SLMAP: variants seen among roughly 807,000 people sequenced by gnomAD.
SLMAP encodes the protein sarcolemma associated protein.
Under a neutral mutation model 128.8 loss-of-function variants are expected in SLMAP, and 44 were observed. The ratio of observed to expected loss-of-function variants is 0.34; its 90% CI spans 0.27 to 0.44. The LOEUF is 0.44. Among genes scored for constraint, SLMAP ranks in the 20% least tolerant of loss-of-function variants. SLMAP has a pLI of 1.00. For missense variants in SLMAP, 787 were observed against 985.3 expected (o/e 0.80, Z 2.69); for synonymous variants, 327 against 348.8 (o/e 0.94, Z 0.70).
intron 22 of SLMAP, among the ~76,000 whole-genome samples, chr3:57,919,003 A>G (rs1559564354): frequency 6.6e-6 from 1 of 152,260 alleles, no homozygotes; most frequent in Non-Finnish European, 1.5e-5. Context: ...CAAGGCTGCA[A>G]TAGGTCACCT....
At chr3:57,911,855 G>A (rs9849219) in intron 19 of SLMAP, among the ~76,000 whole-genome samples, 34,178 of 148,734 alleles carry the variant, frequency 0.23, 4,777 homozygotes, top group Non-Finnish European at 0.32. Context: ...ACGAATCAAG[G>A]GCGTCAACTG....
In SLMAP at chr3:57,906,310, C is replaced by CTTTTTTTTTTTTT. The variant is rs999042505; in HGVS notation, c.1502-1564_1502-1552dup. Among the ~76,000 whole-genome samples, 48 of 47,024 alleles carry CTTTTTTTTTTTTT rather than the reference C, an allele frequency of 1.0e-3. 7 individuals are homozygous for CTTTTTTTTTTTTT. Among genetic ancestry groups the CTTTTTTTTTTTTT allele is most frequent in the East Asian group, 4.9e-3 (5 of 1,022 alleles). The allele number at this position is 47,024 out of a possible 152,430, so 30.8% of individuals were successfully genotyped here. ...GAATCAAATTTTTTTCTTTTTTTTT[C>CTTTTTTTTTTTTT]TTTTTTTTTTTTTTTTTTTTTTAGA... On this transcript the variant is annotated intron_variant, in intron 17 of 24. Coordinates refer to ENST00000671191, the MANE Select transcript of SLMAP (RefSeq NM_001377540.1).
In SLMAP at chr3:57,864,528, G is replaced by T; in HGVS notation, c.967-20G>T. ...ACAGAGTTAGGTTTGTTAAATAACT[G>T]AATTTTCTTATTTTTCTAGGTAGCA... On this transcript the variant is annotated intron_variant, in intron 10 of 24. Coordinates refer to ENST00000671191, the MANE Select transcript of SLMAP (RefSeq NM_001377540.1). The T allele has an allele frequency of 6.5e-7, 1 of 1,541,376 alleles. No homozygotes were observed. Among genetic ancestry groups the T allele is most frequent in the South Asian group, 1.2e-5 (1 of 80,738 alleles).
At chr3:57,821,445 A>G (rs2092508263) in intron 2 of SLMAP, among the ~76,000 whole-genome samples, 2 of 152,228 alleles carry the variant, frequency 1.3e-5, no homozygotes, top group African/African-American at 4.8e-5. Flanking sequence ...ATTTTCCTAT[A>G]GAATATGAAT....
chr3:57,912,420 GGGA>G lies in SLMAP; in HGVS notation c.1744_1746del (p.Glu582del). 1 of 1,613,386 alleles carries G rather than the reference GGGA, an allele frequency of 6.2e-7. No individual in the cohort carries two copies. ...TTACACATCGATACTGAGAATCTCC[GGGA>G]GGAGAAGGACAGTGAAATCACAAGT... On this transcript the variant is annotated inframe_deletion, in exon 20 of 25. Transcript: ENST00000671191.
chr3:57,873,937 A>G (rs7642467), intron 14 of SLMAP, among the ~76,000 whole-genome samples: 2,560 of 152,280 alleles, frequency 0.017, 63 homozygotes, highest in African/African-American at 0.059. Context: ...CCTGGCCAAC[A>G]TGGTGAAACC....
intron 14 of SLMAP, among the ~76,000 whole-genome samples, chr3:57,888,855 A>T (rs1181054929): frequency 6.6e-6 from 1 of 152,088 alleles, no homozygotes; most frequent in African/African-American, 2.4e-5. Flanking sequence ...AGCTTACATT[A>T]TACATCTTAA....
chr3:57,833,361 A>G (rs1324401338), intron 3 of SLMAP, among the ~76,000 whole-genome samples: 1 of 152,156 alleles, frequency 6.6e-6, no homozygotes, highest in Non-Finnish European at 1.5e-5. Flanking sequence ...AAAATGCTAT[A>G]GAAAGCTAAG....
In SLMAP at chr3:57,865,353, G is replaced by A; in HGVS notation, c.1237+61G>A. On this transcript the variant is annotated intron_variant, in intron 13 of 24. Transcript: ENST00000671191. ...ATGATATCATTTTAGTATTTAAGCA[G>A]GATAAGGAGTTCAGGGTTTTAAGTG... The A allele has an allele frequency of 7.0e-6, 5 of 710,148 alleles. No individual in the cohort carries two copies. In the South Asian group the frequency reaches 8.3e-5, roughly 12 times the overall value. 44.0% of individuals were successfully genotyped at this position (710,148 alleles called of 1,614,324 possible).
At chr3:57,875,981 A>G (rs2095596608) in intron 14 of SLMAP, among the ~76,000 whole-genome samples, 1 of 152,186 alleles carries the variant, frequency 6.6e-6, no homozygotes, top group Non-Finnish European at 1.5e-5. Context: ...TTTTGCCATT[A>G]TTTTCATTGA....
chr3:57,893,490 C>G (rs1391698333), intron 15 of SLMAP, among the ~76,000 whole-genome samples: 1 of 151,724 alleles, frequency 6.6e-6, no homozygotes, highest in Admixed American at 6.6e-5. Flanking sequence ...GAGTTATATT[C>G]CAATGAGATC....
intron 6 of SLMAP, among the ~76,000 whole-genome samples, chr3:57,857,237 G>A (rs1465530750): frequency 1.3e-5 from 2 of 152,128 alleles, no homozygotes; most frequent in Admixed American, 1.3e-4. Flanking sequence ...CAACAAATGA[G>A]ACTAAAATGA....
Position 57,810,456 on chromosome 3 carries a change from C to T in SLMAP, c.199-20927C>T, listed in dbSNP as rs148521619. ...GGTTTCTGGCCAGAAAAGCGACACC[C>T]CAAGGATCCTGCAACAATTTTTCTC... On this transcript the variant is annotated intron_variant, in intron 2 of 24. Transcript: ENST00000671191. Among the ~76,000 whole-genome samples the T allele has an allele frequency of 2.9e-3, 446 of 152,260 alleles. 3 individuals carry two copies. The highest frequency in any genetic ancestry group is 9.3e-3 in the African/African-American group (387 of 41,550).
chr3:57,785,516 T>G (rs1200583102), intron 2 of SLMAP, among the ~76,000 whole-genome samples: 1 of 152,208 alleles, frequency 6.6e-6, no homozygotes, highest in African/African-American at 2.4e-5. Context: ...TGATTTAAAG[T>G]TCCCTGATAT....
chr3:57,807,128 T>C (rs2090044982), intron 2 of SLMAP, among the ~76,000 whole-genome samples: 1 of 152,210 alleles, frequency 6.6e-6, no homozygotes, highest in African/African-American at 2.4e-5. Context: ...GATGTTGAGC[T>C]TTCTTTCATA....
chr3:57,869,662 T>TATATATATATA (rs1560338689), intron 13 of SLMAP, among the ~76,000 whole-genome samples: 9 of 113,372 alleles, frequency 7.9e-5, no homozygotes, highest in African/African-American at 2.5e-4. Flanking sequence ...ATATATATAA[T>TATATATATATA]ATATATAAAC....
chr3:57,849,049 C>T (rs970010369), intron 5 of SLMAP, among the ~76,000 whole-genome samples: 8 of 151,226 alleles, frequency 5.3e-5, no homozygotes, highest in Admixed American at 1.3e-4. Context: ...GCTCTGTCGT[C>T]CAGGCTGAAG....
rs1198886762 is a variant in SLMAP, at chr3:57,927,517, G to A, written c.*228G>A. 1.4e-5 allele frequency: 6 copies of A among 436,306 alleles called. No homozygotes were observed. The East Asian group carries it at 2.0e-4, about 15-fold the overall frequency. 27.0% of individuals were successfully genotyped at this position (436,306 alleles called of 1,614,324 possible). A position where few individuals can be genotyped will look rare whatever the true frequency, so the allele number is the denominator to read the frequency against. On this transcript the variant is annotated 3_prime_UTR_variant, in exon 25 of 25. Transcript: ENST00000671191. ...GCAGAAGTACAAGAATACAGCTGTA[G>A]GGTCATTGCTTTAAATTATATAAAA...
chr3:57,828,710 T>C (rs1167735602), intron 2 of SLMAP, among the ~76,000 whole-genome samples: 2 of 152,152 alleles, frequency 1.3e-5, no homozygotes, highest in Non-Finnish European at 2.9e-5. Context: ...AGGCCAAAGG[T>C]ACCATGGTAT....
Sources: gnomAD v4.1 joint callset for allele counts (sites outside exome capture counted in the v4.1 genomes callset) on GRCh38, gnomAD v4.1.1 for gene constraint, MANE v1.5 for transcripts, NCBI Gene and HGNC (gene_info 2026-07-23, HGNC 2026-07-21) for gene names.